The following ATP8B1 variants were observed in gnomAD, a reference collection of about 807,000 sequenced individuals.
ATP8B1 encodes phospholipid-transporting ATPase IC.
Under a neutral mutation model 149.9 loss-of-function variants are expected in ATP8B1, and 80 were observed. The ratio of observed to expected loss-of-function variants is 0.53; its 90% CI spans 0.45 to 0.64. ATP8B1 has a LOEUF of 0.64. Among genes scored for constraint, ATP8B1 ranks in the 30% least tolerant of loss-of-function variants. The pLI is 0.00. For missense variants in ATP8B1, 1,247 were observed against 1,552.6 expected (o/e 0.80, Z 3.31); for synonymous variants, 536 against 562.8 (o/e 0.95, Z 0.67).
Position 57,731,776 on chromosome 18 carries a change from A to G in ATP8B1, c.32T>C (p.Phe11Ser). The G allele has an allele frequency of 6.2e-7, 1 of 1,614,086 alleles. No homozygotes were observed. The highest frequency in any genetic ancestry group is 1.1e-5 in the South Asian group (1 of 91,074). The change falls in exon 2 of 28, where the codon TTT (phenylalanine) becomes TCT (serine). Residue 11 changes from phenylalanine to serine, a missense_variant. Phe to Ser is a radical substitution (Grantham distance 155). Coordinates refer to ENST00000648908, the MANE Select transcript of ATP8B1 (RefSeq NM_001374385.1). MSTERDSETT[F>S]DEDSQPNDEV... is the part of the protein sequence containing the mutation. The stretch of plus-strand genomic sequence containing the variant: ...GTCATTAGGCTGAGAATCCTCGTCA[A>G]ATGTCGTTTCTGAGTCTCTTTCTGT...
intron 1 of ATP8B1, among the ~76,000 whole-genome samples, chr18:57,744,056 T>G (rs1228048629): frequency 6.6e-6 from 1 of 152,050 alleles, no homozygotes; most frequent in East Asian, 1.9e-4. Flanking sequence ...GGCTCACACC[T>G]GTAATCCTAA....
intron 1 of ATP8B1, among the ~76,000 whole-genome samples, chr18:57,753,228 G>A (rs1265267043): frequency 6.6e-6 from 1 of 152,160 alleles, no homozygotes; most frequent in African/African-American, 2.4e-5. Context: ...AAACCACCTT[G>A]ATCATGGTAT....
chr18:57,760,435 C>A (rs934406619), intron 1 of ATP8B1, among the ~76,000 whole-genome samples: 4 of 152,158 alleles, frequency 2.6e-5, no homozygotes, highest in Non-Finnish European at 5.9e-5. Context: ...GCCTGAGGAA[C>A]CCCCTCTGTG....
intron 1 of ATP8B1, chr18:57,735,615 T>C (rs1463000276): frequency 6.6e-6 from 1 of 152,268 alleles, no homozygotes; most frequent in African/African-American, 2.4e-5. Flanking sequence ...GTACTTATAC[T>C]TTCATTGGTT....
chr18:57,783,277 G>A (rs1038829580), intron 1 of ATP8B1, among the ~76,000 whole-genome samples: 10 of 152,134 alleles, frequency 6.6e-5, no homozygotes, highest in Admixed American at 3.3e-4. Context: ...CTGATGGAAC[G>A]CAGGCATGGA....
At chr18:57,756,291 G>GTATATATATATATATATACATATATATA (rs1250184376) in intron 1 of ATP8B1, among the ~76,000 whole-genome samples, 1 of 27,154 alleles carries the variant, frequency 3.7e-5, no homozygotes, top group Admixed American at 2.3e-4. Flanking sequence ...ATATATATGT[G>GTATATATATATATATATACATATATATA]TGTGTGTATG....
At chr18:57,654,184 T>G (rs531992622) in intron 23 of ATP8B1, 109 bp from the exon 24 acceptor site, 7 of 1,015,534 alleles carry the variant, frequency 6.9e-6, no homozygotes, top group Non-Finnish European at 1.1e-5. Context: ...TTTGTTTGTT[T>G]TAATAGAGAT....
chr18:57,692,425 ATTTTT>A (rs10547283), intron 11 of ATP8B1, among the ~76,000 whole-genome samples: 53 of 57,054 alleles, frequency 9.3e-4, no homozygotes, highest in African/African-American at 1.0e-3. Flanking sequence ...TATTCAACAG[ATTTTT>A]TTTTTTTTTT....
chr18:57,671,727 A>G, intron 16 of ATP8B1, 147 bp from the exon 17 acceptor site: 1 of 646,826 alleles, frequency 1.5e-6, no homozygotes, highest in Non-Finnish European at 2.8e-6. Flanking sequence ...GGCTCAAGCA[A>G]TCCTCCCATC....
chr18:57,782,032 G>C (rs1337256766), intron 1 of ATP8B1, among the ~76,000 whole-genome samples: 1 of 152,208 alleles, frequency 6.6e-6, no homozygotes, highest in Non-Finnish European at 1.5e-5. Context: ...TAAATGCCAG[G>C]AGAAGACAAT....
intron 1 of ATP8B1, among the ~76,000 whole-genome samples, chr18:57,764,403 T>C (rs1234217756): frequency 1.5e-5 from 2 of 137,900 alleles, no homozygotes; most frequent in East Asian, 2.0e-4. Context: ...CTCTCTTTCT[T>C]TCTTTCTCTC....
chr18:57,768,386 C>CAAAAAAAAAAAAAAAA (rs145660399), intron 1 of ATP8B1, among the ~76,000 whole-genome samples: 4 of 68,178 alleles, frequency 5.9e-5, no homozygotes, highest in African/African-American at 1.2e-4. Flanking sequence ...GACCCTGTCT[C>CAAAAAAAAAAAAAAAA]AAAAAAAAAA....
At chr18:57,663,007 G>T (rs1170328997) in intron 20 of ATP8B1, among the ~76,000 whole-genome samples, 1 of 152,150 alleles carries the variant, frequency 6.6e-6, no homozygotes, top group African/African-American at 2.4e-5. Flanking sequence ...GTTAACTATA[G>T]TCACATTGTT....
chr18:57,773,795 C>T (rs1046048126), intron 1 of ATP8B1, among the ~76,000 whole-genome samples: 5 of 152,070 alleles, frequency 3.3e-5, no homozygotes, highest in Admixed American at 6.6e-5. Flanking sequence ...CCTATTCATC[C>T]GTAAGCCCTA....
At chr18:57,772,009 AACCTAT>A (rs2080268223) in intron 1 of ATP8B1, among the ~76,000 whole-genome samples, 1 of 152,222 alleles carries the variant, frequency 6.6e-6, no homozygotes, top group Admixed American at 6.5e-5. Context: ...TGGTTAACTG[AACCTAT>A]ACAATACTTA....
intron 15 of ATP8B1, among the ~76,000 whole-genome samples, chr18:57,679,516 T>C (rs1225165480): frequency 6.6e-6 from 1 of 152,170 alleles, no homozygotes; most frequent in Non-Finnish European, 1.5e-5. Context: ...AATTTGTGGC[T>C]CATGAAATTG....
At chr18:57,683,887 A>G (rs1433915529) in intron 15 of ATP8B1, 149 bp downstream of exon 15, 3 of 1,051,134 alleles carry the variant, frequency 2.9e-6, no homozygotes, top group Non-Finnish European at 1.4e-6. Context: ...TCCATAAACC[A>G]TCTAGTGGTA....
chr18:57,650,045 TTAAA>T (rs769397732), intron 27 of ATP8B1, among the ~76,000 whole-genome samples: 4 of 152,318 alleles, frequency 2.6e-5, no homozygotes, highest in Middle Eastern at 3.4e-3. Context: ...GACATTTTTC[TTAAA>T]TAAAGAAAAA....
chr18:57,750,018 G>A (rs2080000982), intron 1 of ATP8B1, among the ~76,000 whole-genome samples: 1 of 152,172 alleles, frequency 6.6e-6, no homozygotes, highest in Non-Finnish European at 1.5e-5. Context: ...CAAGTTTGGT[G>A]GATCACTTGA....
Sources: gnomAD v4.1 joint callset for allele counts (sites outside exome capture counted in the v4.1 genomes callset) on GRCh38, gnomAD v4.1.1 for gene constraint, MANE v1.5 for transcripts, NCBI Gene and HGNC (gene_info 2026-07-23, HGNC 2026-07-21) for gene names.